Variants in DNAH8 observed in about 807,000 individuals in gnomAD.
The protein encoded by DNAH8 is dynein axonemal heavy chain 8.
DNAH8 carries 382 observed loss-of-function variants against 562.1 expected under a neutral mutation model. That is an observed-to-expected ratio of 0.68 (90% confidence interval 0.63 to 0.74). DNAH8 has a LOEUF of 0.74. Ranked by LOEUF, DNAH8 falls within the 30% of genes least tolerant of loss-of-function variation. The probability of loss-of-function intolerance (pLI) is 0.00; values close to 1 mark genes in which losing one functional copy is unlikely to be tolerated. For missense variants in DNAH8, 5,203 were observed against 5,620.4 expected, an observed-to-expected ratio of 0.93 and a Z score of 2.37; for synonymous variants, 1,881 against 1,919.4, an observed-to-expected ratio of 0.98 and a Z score of 0.52.
intron 88 of DNAH8, among the ~76,000 whole-genome samples, chr6:39,003,560 T>G (rs6905213): frequency 0.15 from 22,790 of 152,160 alleles, 1,865 homozygotes; most frequent in Middle Eastern, 0.2. Context: ...AAAAATACCC[T>G]TCTAGTTTTT....
chr6:38,798,931 G>A (rs1272057888), intron 21 of DNAH8, among the ~76,000 whole-genome samples: 1 of 152,044 alleles, frequency 6.6e-6, no homozygotes, highest in Non-Finnish European at 1.5e-5. Flanking sequence ...CATGTGGCAG[G>A]GCTCTACCAG....
intron 82 of DNAH8, among the ~76,000 whole-genome samples, chr6:38,952,107 GC>G (rs1311601621): frequency 6.6e-6 from 1 of 152,196 alleles, no homozygotes; most frequent in African/African-American, 2.4e-5. Flanking sequence ...AGGATTCAGA[GC>G]TACTCGGATT....
chr6:38,867,063 T>C (rs1273830647), intron 47 of DNAH8, among the ~76,000 whole-genome samples, 187 bp downstream of exon 47: 3 of 152,236 alleles, frequency 2.0e-5, no homozygotes, highest in Non-Finnish European at 4.4e-5. Flanking sequence ...AATTGTAGAT[T>C]CACAGGAAGT....
chr6:38,890,020 C>T (rs545532691), intron 57 of DNAH8, among the ~76,000 whole-genome samples: 1 of 152,302 alleles, frequency 6.6e-6, no homozygotes, highest in East Asian at 1.9e-4. Context: ...AGAACAGTCT[C>T]TAAACCTACA....
chr6:38,797,994 C>G (rs1318147568), intron 21 of DNAH8, among the ~76,000 whole-genome samples: 2 of 151,836 alleles, frequency 1.3e-5, no homozygotes, highest in Non-Finnish European at 2.9e-5. Context: ...AGGAGAATCG[C>G]TTGAACCTGG....
At chr6:38,825,839 G>A (rs1260807119) in intron 28 of DNAH8, among the ~76,000 whole-genome samples, 3 of 152,120 alleles carry the variant, frequency 2.0e-5, no homozygotes, top group Non-Finnish European at 2.9e-5. Context: ...AATGAATGAG[G>A]GCCGCTAATG....
chr6:38,894,712 G>T lies in DNAH8; in HGVS notation c.8595G>T (p.Leu2865=). Residue 2865 remains leucine, a synonymous_variant, in exon 59 of 93, where the codon CTG becomes CTT. Coordinates refer to ENST00000327475, the MANE Select transcript of DNAH8 (RefSeq NM_001206927.2). ...TTTTTCATCTCTAGGTGAAGATGCT[G>T]CCAACTCCTTCTAAATTTCATTACA... The part of the protein sequence containing the change: ...VLWQWTKVKM[L]PTPSKFHYIF... 1 of 1,613,622 alleles carries T rather than the reference G, an allele frequency of 6.2e-7. No individual in the cohort carries two copies. The highest frequency in any genetic ancestry group is 8.5e-7 in the Non-Finnish European group (1 of 1,179,664).
At chr6:38,926,991 G>T (rs1057385207) in intron 74 of DNAH8, among the ~76,000 whole-genome samples, 3 of 151,988 alleles carry the variant, frequency 2.0e-5, no homozygotes, top group Admixed American at 1.3e-4. Context: ...ATTGTTCTTT[G>T]CACATTTATC....
chr6:38,720,150 G>A (rs1346720155), intron 1 of DNAH8, among the ~76,000 whole-genome samples: 1 of 152,178 alleles, frequency 6.6e-6, no homozygotes, highest in Admixed American at 6.5e-5. Flanking sequence ...AAGTGAGATT[G>A]AAGTGGACAA....
At chr6:38,822,051 C>T (rs952339230) in intron 26 of DNAH8, among the ~76,000 whole-genome samples, 1 of 152,142 alleles carries the variant, frequency 6.6e-6, no homozygotes, top group African/African-American at 2.4e-5. Flanking sequence ...CCTCCACTGG[C>T]CGTCAAACAG....
intron 8 of DNAH8, among the ~76,000 whole-genome samples, chr6:38,749,898 C>T (rs1223202285): frequency 6.6e-6 from 1 of 152,202 alleles, no homozygotes; most frequent in African/African-American, 2.4e-5. Flanking sequence ...GTGGCGCGAT[C>T]TCTGGCTCAC....
chr6:38,924,445 A>G (rs1781950007), intron 73 of DNAH8, among the ~76,000 whole-genome samples: 1 of 151,906 alleles, frequency 6.6e-6, no homozygotes, highest in Non-Finnish European at 1.5e-5. Context: ...CAGGGAGGCA[A>G]TGGTTCCGAG....
In DNAH8 at chr6:38,722,766, A is replaced by AT; in HGVS notation, c.-34-9dup. The stretch of plus-strand genomic sequence containing the variant: ...CTGTAGTTTTAAACGAACCTATGTT[A>AT]TAATTCTAGGTTTCGAAGTATAAAG... On this transcript the variant is annotated splice_polypyrimidine_tract_variant and intron_variant, in intron 1 of 92. Coordinates refer to ENST00000327475, the MANE Select transcript of DNAH8 (RefSeq NM_001206927.2). The AT allele has an allele frequency of 6.6e-7, 1 of 1,514,798 alleles. No individual in the cohort carries two copies. The highest frequency in any genetic ancestry group is 8.8e-7 in the Non-Finnish European group (1 of 1,132,710). 93.8% of individuals were successfully genotyped at this position (1,514,798 alleles called of 1,614,324 possible). A position where few individuals can be genotyped will look rare whatever the true frequency, so the allele number is the denominator to read the frequency against.
chr6:38,781,422 T>A, intron 16 of DNAH8, 49 bp downstream of exon 16: 1 of 1,585,858 alleles, frequency 6.3e-7, no homozygotes, highest in South Asian at 1.1e-5. Context: ...GGTTTTAATA[T>A]AACAAATATA....
chr6:38,995,129 G>C (rs978897734), intron 88 of DNAH8, among the ~76,000 whole-genome samples: 1 of 149,698 alleles, frequency 6.7e-6, no homozygotes, highest in Admixed American at 6.7e-5. Flanking sequence ...TCAGAAATTG[G>C]TGTTGAATTT....
chr6:38,909,680 G>GT lies in DNAH8; in HGVS notation c.9678dup (p.Val3227CysfsTer9). The GT allele has an allele frequency of 6.2e-7, 1 of 1,614,074 alleles. No homozygotes were observed. Among genetic ancestry groups the GT allele is most frequent in the East Asian group, 2.2e-5 (1 of 44,874 alleles). ...CTGCTCTAGTGAAATTAAAAGACAAGTTGTAGAAACAATGGGCCTGTTTCA... is the reference window on the plus strand; with the variant it reads ...CTGCTCTAGTGAAATTAAAAGACAAGTTTGTAGAAACAATGGGCCTGTTTCA... On this transcript the variant is annotated frameshift_variant, in exon 65 of 93. Coordinates refer to ENST00000327475, the MANE Select transcript of DNAH8 (RefSeq NM_001206927.2). LOFTEE classifies it high-confidence loss of function.
At chr6:38,955,078 C>T (rs1762157211) in intron 82 of DNAH8, among the ~76,000 whole-genome samples, 1 of 152,168 alleles carries the variant, frequency 6.6e-6, no homozygotes, top group Non-Finnish European at 1.5e-5. Flanking sequence ...AGTGATCCTC[C>T]TACCTCAGCC....
intron 8 of DNAH8, among the ~76,000 whole-genome samples, chr6:38,746,694 CG>C (rs1562630638): frequency 6.6e-6 from 1 of 151,948 alleles, no homozygotes; most frequent in African/African-American, 2.4e-5. Flanking sequence ...TTTGGGAGGC[CG>C]AGGTGGGTGG....
chr6:38,869,473 C>T (rs988652328), intron 48 of DNAH8, among the ~76,000 whole-genome samples: 8 of 152,090 alleles, frequency 5.3e-5, no homozygotes, highest in Non-Finnish European at 2.9e-5. Flanking sequence ...TAGACAAGTA[C>T]TCAAGAAAGC....
Sources: allele counts gnomAD v4.1 joint callset (sites outside exome capture counted in the v4.1 genomes callset), GRCh38; gene constraint gnomAD v4.1.1; transcripts MANE v1.5; gene names NCBI Gene and HGNC (gene_info 2026-07-23, HGNC 2026-07-21).